Variants in XPC observed in about 807,000 individuals in gnomAD.
XPC encodes the protein DNA repair protein complementing XP-C cells.
XPC carries 76 observed loss-of-function variants against 95.8 expected under a neutral mutation model. That is an observed-to-expected ratio of 0.79 (90% CI 0.66 to 0.96). The LOEUF is 0.96. XPC is among the 40% of genes least tolerant of loss of function. The pLI is 0.00. For missense variants in XPC, 1,146 were observed against 1,179.8 expected (o/e 0.97, Z 0.42); for synonymous variants, 442 against 442.1 (o/e 1.00, Z 0.00).
chr3:14,153,364 T>C (rs1040931769), intron 10 of XPC: 7 of 152,408 alleles, frequency 4.6e-5, no homozygotes, highest in South Asian at 4.1e-4. Flanking sequence ...AAAAGCAATA[T>C]GCACTTGGGA....
chr3:14,171,908 T>C (rs148098133), intron 2 of XPC, among the ~76,000 whole-genome samples: 3 of 151,938 alleles, frequency 2.0e-5, no homozygotes, highest in African/African-American at 7.2e-5. Flanking sequence ...TGGCGGAAAA[T>C]CATCATGCTG....
At chr3:14,154,187 G>A (rs938357868) in intron 10 of XPC, among the ~76,000 whole-genome samples, 3 of 152,212 alleles carry the variant, frequency 2.0e-5, no homozygotes, top group African/African-American at 7.2e-5. Flanking sequence ...TGGACTGTCG[G>A]TGAAAATGTA....
Position 14,159,639 on chromosome 3 carries a change from C to G in XPC, c.990+102G>C, listed in dbSNP as rs776680232. 4.9e-6 allele frequency: 6 copies of G among 1,222,246 alleles called. No individual in the cohort carries two copies. In the East Asian group the frequency reaches 1.5e-4, roughly 31 times the overall value. 75.7% of individuals were successfully genotyped at this position (1,222,246 alleles called of 1,614,324 possible). A position where few individuals can be genotyped will look rare whatever the true frequency, so the allele number is the denominator to read the frequency against. ...GCAAGGCTCGAAAGAACCCACACTC[C>G]GTGAATACCAGCTCTTAAAAAATAT... On this transcript the variant is annotated intron_variant, in intron 8 of 15. Coordinates refer to ENST00000285021, the MANE Select transcript of XPC (RefSeq NM_004628.5).
chr3:14,165,292 T>C (rs971980480), intron 6 of XPC, 136 bp downstream of exon 6: 46 of 1,206,666 alleles, frequency 3.8e-5, no homozygotes, highest in Non-Finnish European at 4.6e-5. Context: ...CATTTCTCTA[T>C]CTTCAATGCC....
intron 9 of XPC, among the ~76,000 whole-genome samples, chr3:14,156,857 T>C (rs1345253384): frequency 6.6e-6 from 1 of 152,232 alleles, no homozygotes; most frequent in Non-Finnish European, 1.5e-5. Flanking sequence ...AATCCTCTTC[T>C]AGAGCGTGAG....
In XPC at chr3:14,148,681, C is replaced by T. The variant is rs1466750889; in HGVS notation, c.2301G>A (p.Met767Ile). ...GNVYLFLPSM[M>I]PIGCVQLNLP... ...GGTTCAGCTGGACACAGCCAATAGGCATCATGCTGGGCAGGAAGAGGTACA... is the reference window on the plus strand; with the variant it reads ...GGTTCAGCTGGACACAGCCAATAGGTATCATGCTGGGCAGGAAGAGGTACA... The change falls in exon 13 of 16, where the codon ATG becomes ATA. Residue 767 changes from methionine (M) to isoleucine (I), a missense_variant. Met to Ile is a conservative substitution (Grantham distance 10, BLOSUM62 1). Coordinates refer to ENST00000285021, the MANE Select transcript of XPC (RefSeq NM_004628.5). 2 of 1,614,058 alleles carry T rather than the reference C, an allele frequency of 1.2e-6. No homozygotes were observed. Among genetic ancestry groups the T allele is most frequent in the Non-Finnish European group, 1.7e-6 (2 of 1,179,894 alleles).
In XPC at chr3:14,178,564, G is replaced by C. The variant is rs1047160068; in HGVS notation, c.5C>G (p.Ala2Gly). Residue 2 changes from alanine to glycine, a missense_variant, in exon 1 of 16, where the codon GCT becomes GGT. Ala to Gly is a moderately conservative substitution (Grantham distance 60). Coordinates refer to ENST00000285021, the MANE Select transcript of XPC (RefSeq NM_004628.5). ...CTCCCCGCCGGCCGCGCGTTTCCGA[G>C]CCATGTTGCTTGTCTGGGCAAATTC... is the stretch of plus-strand genomic sequence containing the variant. M[A>G]RKRAAGGEPR... is the part of the protein sequence containing the mutation. 3.1e-6 allele frequency: 5 copies of C among 1,612,668 alleles called. No individual in the cohort carries two copies. Among genetic ancestry groups the C allele is most frequent in the Non-Finnish European group, 4.2e-6 (5 of 1,179,178 alleles).
chr3:14,158,697 G>T lies in XPC; in HGVS notation c.1186C>A (p.Pro396Thr), dbSNP rs771042918. ...NKGGRKKRSK[P>T]SSSEEDEGPG... is the part of the protein sequence containing the mutation. ...CCCTCATCTTCCTCGCTGGAGGAGG[G>T]CTTGCTCCGTTTCTTTCTGCCTCCC... The change falls in exon 9 of 16, where the codon CCC becomes ACC. Residue 396 changes from proline (P) to threonine (T), a missense_variant. Pro to Thr is a conservative substitution (Grantham distance 38). Transcript: ENST00000285021. This position sits in a 1 kb window ranked among gnomAD's most constrained non-coding sequence, Gnocchi z 5.2. The T allele has an allele frequency of 1.4e-5, 23 of 1,613,758 alleles. No homozygotes were observed. The highest frequency in any genetic ancestry group is 1.9e-5 in the Non-Finnish European group (23 of 1,179,886).
intron 11 of XPC, among the ~76,000 whole-genome samples, chr3:14,150,218 CTCTT>C (rs1441636283): frequency 6.6e-6 from 1 of 152,258 alleles, no homozygotes; most frequent in Non-Finnish European, 1.5e-5. Flanking sequence ...AGTCACGTAA[CTCTT>C]AGAGGAGTCA....
In XPC at chr3:14,145,875, G is replaced by A. The variant is rs747876343; in HGVS notation, c.*66C>T. The A allele has an allele frequency of 1.3e-6, 2 of 1,553,832 alleles. No individual in the cohort carries two copies. Among genetic ancestry groups the A allele is most frequent in the Admixed American group, 3.6e-5 (2 of 56,000 alleles). On this transcript the variant is annotated 3_prime_UTR_variant, in exon 16 of 16. Coordinates refer to ENST00000285021, the MANE Select transcript of XPC (RefSeq NM_004628.5). The stretch of plus-strand genomic sequence containing the variant: ...CACCACCAGGGGCTGGGCATGCCCA[G>A]GGCAGGTGTGGGGCCTGTAGTGGGG...
intron 1 of XPC, 24 bp downstream of exon 1, chr3:14,178,442 A>C (rs777237928): frequency 1.9e-6 from 3 of 1,583,646 alleles, no homozygotes; most frequent in Admixed American, 3.5e-5. Context: ...GTCTCCCGCG[A>C]AGCCCGCTGG....
In XPC at chr3:14,158,365, G is replaced by T. The variant is rs373917450; in HGVS notation, c.1518C>A (p.Ser506Arg). Reference sequence around the variant, plus strand: ...TGCACATTTTCTTGCCTCTTTTACTGCTTGAAGAGCTTGAGGATGCCGCTG... The same window carrying T: ...TGCACATTTTCTTGCCTCTTTTACTTCTTGAAGAGCTTGAGGATGCCGCTG... ...SLPAASSSSS[S>R]SKRGKKMCSD... The change falls in exon 9 of 16, where the codon AGC (serine) becomes AGA (arginine). Residue 506 changes from serine to arginine, a missense_variant. By Grantham distance (110) the Ser-to-Arg change is moderately radical. Coordinates refer to ENST00000285021, the MANE Select transcript of XPC (RefSeq NM_004628.5). The surrounding 1 kb of genome is among the most constrained non-coding windows in gnomAD (Gnocchi z 5.2). The T allele has an allele frequency of 6.2e-7, 1 of 1,613,714 alleles. No individual in the cohort carries two copies. The highest frequency in any genetic ancestry group is 8.5e-7 in the Non-Finnish European group (1 of 1,179,886).
intron 1 of XPC, among the ~76,000 whole-genome samples, chr3:14,175,627 G>C (rs76562024): frequency 6.6e-5 from 10 of 152,320 alleles, no homozygotes; most frequent in African/African-American, 1.9e-4. Context: ...TGTTAACACA[G>C]AGAAGAAATG....
intron 9 of XPC, among the ~76,000 whole-genome samples, chr3:14,156,785 A>G (rs1254176499): frequency 1.3e-5 from 2 of 152,250 alleles, no homozygotes; most frequent in African/African-American, 4.8e-5. Context: ...GATGTGTTAA[A>G]GGTCTGCAAG....
intron 7 of XPC, among the ~76,000 whole-genome samples, chr3:14,163,623 C>T (rs1169951527): frequency 1.3e-5 from 2 of 151,904 alleles, no homozygotes; most frequent in Non-Finnish European, 2.9e-5. Context: ...GAGTTTAATG[C>T]GTATATACAG....
chr3:14,178,404 C>A, intron 1 of XPC, 62 bp downstream of exon 1: 1 of 1,534,502 alleles, frequency 6.5e-7, no homozygotes, highest in South Asian at 1.2e-5. Flanking sequence ...CCCGCCCTGC[C>A]TCTGGGCCTC....
At chr3:14,154,988 C>T (rs1245088397) in intron 10 of XPC, among the ~76,000 whole-genome samples, 2 of 152,202 alleles carry the variant, frequency 1.3e-5, no homozygotes, top group East Asian at 3.9e-4. Context: ...TCCCAACAGG[C>T]TTTCTCCCGA....
chr3:14,146,126 C>T lies in XPC; in HGVS notation c.2638G>A (p.Gly880Ser), dbSNP rs372174977. ...EAAAPHTDAG[G>S]GLSSDEEEGT... ...TCCTCTTCATCAGAAGAGAGTCCAC[C>T]TCCTGCATCTGTGTGGGGAGCTGCT... Residue 880 changes from glycine (G) to serine (S), a missense_variant, in exon 16 of 16, where the codon GGT (glycine) becomes AGT (serine). Coordinates refer to ENST00000285021, the MANE Select transcript of XPC (RefSeq NM_004628.5). The T allele has an allele frequency of 1.6e-5, 25 of 1,611,068 alleles. No individual in the cohort carries two copies. In the African/African-American group the frequency reaches 3.1e-4, roughly 20 times the overall value.
At chr3:14,170,893 T>C (rs1344942067) in intron 2 of XPC, among the ~76,000 whole-genome samples, 2 of 152,238 alleles carry the variant, frequency 1.3e-5, no homozygotes, top group Non-Finnish European at 2.9e-5. Flanking sequence ...CTGTGTGATA[T>C]ATGTGCAGTT....
Sources: gnomAD v4.1 joint callset for allele counts (sites outside exome capture counted in the v4.1 genomes callset) on GRCh38, gnomAD v4.1.1 for gene constraint, Gnocchi (gnomAD v3.1) non-coding constraint, MANE v1.5 for transcripts, NCBI Gene and HGNC (gene_info 2026-07-23, HGNC 2026-07-21) for gene names.